Variants in NELL1 observed in about 807,000 individuals in gnomAD.
NELL1 encodes neural EGFL like 1.
NELL1 carries 76 observed loss-of-function variants against 107.4 expected under a neutral mutation model. That is an observed-to-expected ratio of 0.71 (90% CI 0.59 to 0.86). The LOEUF (loss-of-function observed/expected upper bound fraction) is 0.86. Among genes scored for constraint, NELL1 ranks in the 40% least tolerant of loss-of-function variants. NELL1 has a pLI of 0.00. For synonymous variants in NELL1, 353 were observed against 341.2 expected (o/e 1.03, Z -0.38); for missense variants, 1,024 against 1,005.5 (o/e 1.02, Z -0.25).
Position 20,951,125 on chromosome 11 carries a change from C to G in NELL1, c.1171+3690C>G, listed in dbSNP as rs1462028661. ...GGCCTAGACTGGGAATTTGAGAAAA[C>G]TTCCAGAGAGTGGATTTTGCTCACT... On this transcript the variant is annotated intron_variant, in intron 11 of 19. Coordinates refer to ENST00000357134, the MANE Select transcript of NELL1 (RefSeq NM_006157.5). 2.6e-5 allele frequency among the ~76,000 whole-genome samples: 4 copies of G among 152,186 alleles called. No homozygotes were observed. In the East Asian group the frequency reaches 7.7e-4, roughly 29 times the overall value.
intron 15 of NELL1, among the ~76,000 whole-genome samples, chr11:21,498,795 T>A (rs1165497168): frequency 6.6e-6 from 1 of 152,086 alleles, no homozygotes; most frequent in African/African-American, 2.4e-5. Context: ...CTACATATTT[T>A]CACTGCTGCT....
chr11:21,071,958 C>A (rs1854025719), intron 12 of NELL1, among the ~76,000 whole-genome samples: 1 of 152,114 alleles, frequency 6.6e-6, no homozygotes, highest in Non-Finnish European at 1.5e-5. Context: ...TGATCAGGGT[C>A]TTCATTATGC....
chr11:21,015,887 G>A (rs60223130), intron 12 of NELL1, among the ~76,000 whole-genome samples: 4,213 of 152,104 alleles, frequency 0.028, 159 homozygotes, highest in African/African-American at 0.087. Context: ...CATTGTGACC[G>A]TTTCTGGGTG....
intron 12 of NELL1, among the ~76,000 whole-genome samples, chr11:21,045,164 G>A (rs1433012021): frequency 6.6e-6 from 1 of 152,162 alleles, no homozygotes; most frequent in African/African-American, 2.4e-5. Flanking sequence ...TATCCTCTAT[G>A]AGTGAGAAAT....
chr11:21,081,121 A>G (rs1854258036), intron 12 of NELL1, among the ~76,000 whole-genome samples: 1 of 151,956 alleles, frequency 6.6e-6, no homozygotes, highest in South Asian at 2.1e-4. Context: ...TTCCAGCCTT[A>G]TCACTCTTCT....
intron 11 of NELL1, among the ~76,000 whole-genome samples, chr11:20,954,083 T>C (rs967815351): frequency 3.9e-5 from 6 of 152,204 alleles, no homozygotes; most frequent in Non-Finnish European, 8.8e-5. Context: ...GTTCACTGCC[T>C]TCCTCTAACT....
chr11:21,133,070 A>C (rs1189246979), intron 13 of NELL1, among the ~76,000 whole-genome samples: 1 of 152,072 alleles, frequency 6.6e-6, no homozygotes, highest in Non-Finnish European at 1.5e-5. Flanking sequence ...GGAAGTGAGG[A>C]TAGATGGAAG....
chr11:21,386,351 T>C (rs1309998186), intron 15 of NELL1, among the ~76,000 whole-genome samples: 1 of 151,890 alleles, frequency 6.6e-6, no homozygotes, highest in African/African-American at 2.4e-5. Context: ...TGGATTTGCG[T>C]ATCATGTTCT....
intron 12 of NELL1, among the ~76,000 whole-genome samples, chr11:21,096,985 G>A (rs564428648): frequency 6.6e-6 from 1 of 152,118 alleles, no homozygotes; most frequent in East Asian, 1.9e-4. Flanking sequence ...CCAAAGTGCT[G>A]GGATTACAGG....
intron 2 of NELL1, among the ~76,000 whole-genome samples, chr11:20,783,180 G>A (rs1160005474): frequency 6.6e-6 from 1 of 152,208 alleles, no homozygotes; most frequent in African/African-American, 2.4e-5. Flanking sequence ...ATTGTGGGGA[G>A]AAGGAAGCTG....
At chr11:21,391,867 T>C (rs1433053804) in intron 15 of NELL1, among the ~76,000 whole-genome samples, 3 of 151,822 alleles carry the variant, frequency 2.0e-5, no homozygotes, top group Non-Finnish European at 2.9e-5. Context: ...GTGCCACTTA[T>C]GAAAAGTTGA....
chr11:20,799,872 T>C (rs1484257180), intron 3 of NELL1, among the ~76,000 whole-genome samples: 1 of 152,176 alleles, frequency 6.6e-6, no homozygotes, highest in Non-Finnish European at 1.5e-5. Context: ...TTCCTCCTTC[T>C]AGTAGTCCCC....
chr11:21,081,851 T>G (rs1434478598), intron 12 of NELL1, among the ~76,000 whole-genome samples: 1 of 152,174 alleles, frequency 6.6e-6, no homozygotes, highest in Non-Finnish European at 1.5e-5. Flanking sequence ...CAGGGACTTA[T>G]GAAGGTTATC....
chr11:20,792,740 T>A (rs1857099521), intron 3 of NELL1, among the ~76,000 whole-genome samples: 1 of 151,990 alleles, frequency 6.6e-6, no homozygotes, highest in South Asian at 2.1e-4. Context: ...TTAGGATCTT[T>A]GTATCATTAA....
At chr11:21,507,660 C>CACTGAATAAAACAA (rs1288126431) in intron 15 of NELL1, among the ~76,000 whole-genome samples, 18 of 150,554 alleles carry the variant, frequency 1.2e-4, no homozygotes, top group African/African-American at 4.2e-4. Context: ...GGAAAAGAAC[C>CACTGAATAAAACAA]ACTGAATAAA....
chr11:21,509,733 A>G (rs1050314200), intron 15 of NELL1, among the ~76,000 whole-genome samples: 6 of 152,152 alleles, frequency 3.9e-5, no homozygotes, highest in African/African-American at 1.4e-4. Context: ...ATAGACATGA[A>G]AAGACGTCTT....
chr11:21,108,608 T>A (rs965476627), intron 12 of NELL1, among the ~76,000 whole-genome samples: 1 of 152,112 alleles, frequency 6.6e-6, no homozygotes, highest in Non-Finnish European at 1.5e-5. Context: ...CAATAGTTAA[T>A]AATAAAAACC....
chr11:21,070,748 C>A (rs190781121), intron 12 of NELL1, among the ~76,000 whole-genome samples: 125 of 152,164 alleles, frequency 8.2e-4, no homozygotes, highest in Admixed American at 1.4e-3. Context: ...TGCAGAGCAA[C>A]CATGACATTC....
chr11:20,927,247 A>C, intron 7 of NELL1, 61 bp from the exon 8 acceptor site: 1 of 1,498,048 alleles, frequency 6.7e-7, no homozygotes, highest in South Asian at 1.3e-5. Context: ...TGTTGCTATT[A>C]GCTTTGTTAG....
Sources: allele counts gnomAD v4.1 joint callset (sites outside exome capture counted in the v4.1 genomes callset), GRCh38; gene constraint gnomAD v4.1.1; transcripts MANE v1.5; gene names NCBI Gene and HGNC (gene_info 2026-07-23, HGNC 2026-07-21).